TRIM56: variants seen among roughly 807,000 people sequenced by gnomAD.
TRIM56 encodes the protein E3 ubiquitin-protein ligase TRIM56.
TRIM56 carries 10 observed loss-of-function variants against 17.1 expected under a neutral mutation model. That is an observed-to-expected ratio of 0.58 (90% confidence interval 0.36 to 0.99). The LOEUF is 0.99. Ranked by LOEUF, TRIM56 falls within the 50% of genes least tolerant of loss-of-function variation. TRIM56 has a pLI of 0.01. For synonymous variants in TRIM56, 503 were observed against 473.5 expected (o/e 1.06, Z -0.81); for missense variants, 923 against 1,052.3 (o/e 0.88, Z 1.70).
intron 1 of TRIM56, among the ~76,000 whole-genome samples, chr7:101,086,028 C>G (rs529073177): frequency 6.6e-6 from 1 of 152,164 alleles, no homozygotes; most frequent in South Asian, 2.1e-4. Flanking sequence ...TCTGCCCGCT[C>G]CAGAATCCGC....
In TRIM56 at chr7:101,097,639, A is replaced by G. The variant is rs1240318934; in HGVS notation, c.*8059A>G. 2 of 121,322 alleles carry G rather than the reference A, an allele frequency of 1.6e-5. No homozygotes were observed. Among genetic ancestry groups the G allele is most frequent in the Non-Finnish European group, 1.7e-5 (1 of 57,660 alleles). The allele number at this position is 121,322 out of a possible 1,614,324, so 7.5% of individuals were successfully genotyped here. On this transcript the variant is annotated 3_prime_UTR_variant, in exon 3 of 3. Transcript: ENST00000306085. ...ACCAGATGGAAGAGGGCCTGTGTATAAAGACATTAGGAAGGAGGTTTGGGA... is the reference window on the plus strand; with the variant it reads ...ACCAGATGGAAGAGGGCCTGTGTATGAAGACATTAGGAAGGAGGTTTGGGA...
Position 101,089,622 on chromosome 7 carries a change from G to A in TRIM56, c.*42G>A, listed in dbSNP as rs1468315655. 1.4e-5 allele frequency: 22 copies of A among 1,556,724 alleles called. No homozygotes were observed. Among genetic ancestry groups the A allele is most frequent in the Non-Finnish European group, 1.4e-5 (16 of 1,142,834 alleles). On this transcript the variant is annotated 3_prime_UTR_variant, in exon 3 of 3. Coordinates refer to ENST00000306085, the MANE Select transcript of TRIM56 (RefSeq NM_030961.3). ...GTGAGAGGGAGTGGGGAGGGAGAGG[G>A]CAGGAAGGAGGCAGAGCTGTCCGTG...
At chr7:101,087,267 G>A (rs1273807679) in intron 2 of TRIM56, 45 bp from the exon 3 acceptor site, 4 of 1,543,680 alleles carry the variant, frequency 2.6e-6, no homozygotes, top group Admixed American at 1.7e-5. Flanking sequence ...GGGTGAGCTG[G>A]TGAAGGTGCC....
At position 101,096,952 on chromosome 7, in the gene TRIM56, T is replaced by C. The variant is rs1795661142; in HGVS notation, c.*7372T>C. On this transcript the variant is annotated 3_prime_UTR_variant, in exon 3 of 3. Transcript: ENST00000306085. ...TCAGACCGTATTAGTTAAGGACCCA[T>C]AAGAGTAGACATTTAGAAAAAGTGA... 1.3e-5 allele frequency: 2 copies of C among 152,154 alleles called. No individual in the cohort carries two copies. The highest frequency in any genetic ancestry group is 1.9e-4 in the East Asian group (1 of 5,198). 9.4% of individuals were successfully genotyped at this position (152,154 alleles called of 1,614,324 possible). A position where few individuals can be genotyped will look rare whatever the true frequency, so the allele number is the denominator to read the frequency against.
In TRIM56 at chr7:101,094,407, C is replaced by T. The variant is rs1037405686; in HGVS notation, c.*4827C>T. The T allele has an allele frequency of 2.0e-5, 3 of 152,050 alleles. No homozygotes were observed. Among genetic ancestry groups the T allele is most frequent in the Admixed American group, 6.6e-5 (1 of 15,264 alleles). 9.4% of individuals were successfully genotyped at this position (152,050 alleles called of 1,614,324 possible). A position where few individuals can be genotyped will look rare whatever the true frequency, so the allele number is the denominator to read the frequency against. ...TCATTATTTTGTGCTATTATTCATA[C>T]GTGTACATTTCTACTTCAGTTTTTA... On this transcript the variant is annotated 3_prime_UTR_variant, in exon 3 of 3. Transcript: ENST00000306085.
Position 101,088,816 on chromosome 7 carries a change from C to T in TRIM56, c.1504C>T (p.Pro502Ser), listed in dbSNP as rs1242664360. 1 of 1,613,706 alleles carries T rather than the reference C, an allele frequency of 6.2e-7. No homozygotes were observed. The highest frequency in any genetic ancestry group is 8.5e-7 in the Non-Finnish European group (1 of 1,180,042). ...IFYCSFPTRMPGDKRSPRITG... is the reference protein window; with the variant it reads ...IFYCSFPTRMSGDKRSPRITG... ...TTACTGCAGTTTCCCCACGCGGATG[C>T]CTGGAGACAAGCGGTCCCCCCGGAT... The change falls in exon 3 of 3, where the codon CCT becomes TCT. Residue 502 changes from proline (P) to serine (S), a missense_variant. This residue lies in a region of TRIM56 where 643 missense variants were observed against 665.6 expected (regional missense o/e 0.97). Coordinates refer to ENST00000306085, the MANE Select transcript of TRIM56 (RefSeq NM_030961.3).
In TRIM56 at chr7:101,088,965, C is replaced by T. The variant is rs1795512257; in HGVS notation, c.1653C>T (p.Ser551=). 1.2e-5 allele frequency: 20 copies of T among 1,612,726 alleles called. No individual in the cohort carries two copies. The highest frequency in any genetic ancestry group is 1.6e-4 in the Middle Eastern group (1 of 6,062). Residue 551 remains serine, a synonymous_variant, in exon 3 of 3, where the codon TCC becomes TCT. Transcript: ENST00000306085. ...KGTVPVPEGC[S]PCSVAALQSA... ...CCGTGCCGGTCCCTGAGGGCTGCTC[C>T]CCTTGCAGCGTGGCCGCCCTGCAGA...
At chr7:101,087,235 A>C in intron 2 of TRIM56, 67 bp downstream of exon 2, 1 of 1,373,876 alleles carries the variant, frequency 7.3e-7, no homozygotes, top group Non-Finnish European at 1.0e-6. Flanking sequence ...GTGGGGCTTG[A>C]GGACGGGCGG....
rs1030143900 is a variant in TRIM56 at position 101,095,639 on chromosome 7, C to A, written c.*6059C>A. On this transcript the variant is annotated 3_prime_UTR_variant, in exon 3 of 3. Transcript: ENST00000306085. ...GCAAGAAGATAGTCCCACAGGCGCC[C>A]TAGAGATGGGGATGCCAAGTGGCTT... The A allele has an allele frequency of 1.3e-5, 2 of 152,084 alleles. No individual in the cohort carries two copies. Among genetic ancestry groups the A allele is most frequent in the Non-Finnish European group, 2.9e-5 (2 of 68,020 alleles). The allele number at this position is 152,084 out of a possible 1,614,324, so 9.4% of individuals were successfully genotyped here. A position where few individuals can be genotyped will look rare whatever the true frequency, so the allele number is the denominator to read the frequency against.
Position 101,089,044 on chromosome 7 carries a change from G to C in TRIM56, c.1732G>C (p.Glu578Gln). 6.2e-7 allele frequency: 1 copy of C among 1,602,136 alleles called. No homozygotes were observed. Among genetic ancestry groups the C allele is most frequent in the East Asian group, 2.2e-5 (1 of 44,800 alleles). ...ARLYLINPNG[E>Q]VQWRRALSLS... ...GCTCTATCTCATCAACCCCAACGGCGAAGTGCAGTGGCGCAGGGCCCTGAG... is the reference window on the plus strand; with the variant it reads ...GCTCTATCTCATCAACCCCAACGGCCAAGTGCAGTGGCGCAGGGCCCTGAG... The change falls in exon 3 of 3, where the codon GAA (glutamate) becomes CAA (glutamine). Residue 578 changes from glutamate (E) to glutamine (Q), a missense_variant. By Grantham distance (29) the Glu-to-Gln change is conservative (BLOSUM62 2). This residue lies in a region of TRIM56 where 643 missense variants were observed against 665.6 expected (regional missense o/e 0.97). Transcript: ENST00000306085.
rs1467912495 is a variant in TRIM56 at position 101,087,898 on chromosome 7, C to T, written c.586C>T (p.Pro196Ser). 1 of 1,604,602 alleles carries T rather than the reference C, an allele frequency of 6.2e-7. No homozygotes were observed. The highest frequency in any genetic ancestry group is 8.5e-7 in the Non-Finnish European group (1 of 1,178,426). The change falls in exon 3 of 3, where the codon CCC becomes TCC. Residue 196 changes from proline to serine, a missense_variant. By Grantham distance (74) the Pro-to-Ser change is moderately conservative (BLOSUM62 -1). Around this residue, in one of 3 missense-constraint regions of TRIM56, gnomAD observed 643 missense variants for 665.6 expected, o/e 0.97. Transcript: ENST00000306085. ...GCTGTGCAGAGAGTGCCGCCTAGACCCCCACCTGGACCACCCCTGCCTGCC... is the reference window on the plus strand; with the variant it reads ...GCTGTGCAGAGAGTGCCGCCTAGACTCCCACCTGGACCACCCCTGCCTGCC... ...QLLCRECRLD[P>S]HLDHPCLPLA...
chr7:101,090,770 C>T lies in TRIM56; in HGVS notation c.*1190C>T, dbSNP rs1355432398. ...AGCAGGGGAGCCCTCCACGCAGCCACGGAGCCAGTCTGAGGGAAGAGGTAC... is the reference window on the plus strand; with the variant it reads ...AGCAGGGGAGCCCTCCACGCAGCCATGGAGCCAGTCTGAGGGAAGAGGTAC... On this transcript the variant is annotated 3_prime_UTR_variant, in exon 3 of 3. Transcript: ENST00000306085. The T allele has an allele frequency of 2.6e-5, 4 of 152,238 alleles. No homozygotes were observed. The highest frequency in any genetic ancestry group is 4.8e-5 in the African/African-American group (2 of 41,538). 9.4% of individuals were successfully genotyped at this position (152,238 alleles called of 1,614,324 possible). A position where few individuals can be genotyped will look rare whatever the true frequency, so the allele number is the denominator to read the frequency against.
chr7:101,088,451 G>T lies in TRIM56; in HGVS notation c.1139G>T (p.Gly380Val). The change falls in exon 3 of 3, where the codon GGG (glycine) becomes GTG (valine). Residue 380 changes from glycine to valine, a missense_variant. By Grantham distance (109) the Gly-to-Val change is moderately radical. This residue lies in a region of TRIM56 where 643 missense variants were observed against 665.6 expected (regional missense o/e 0.97). Transcript: ENST00000306085. ...FEEQQPQKDG[G>V]KDGAGTQGGE... ...GAGCAGCAGCCCCAGAAGGATGGTG[G>T]GAAAGACGGAGCTGGTACCCAGGGA... is the stretch of plus-strand genomic sequence containing the variant. 2 of 1,613,628 alleles carry T rather than the reference G, an allele frequency of 1.2e-6. No homozygotes were observed. Among genetic ancestry groups the T allele is most frequent in the Non-Finnish European group, 1.7e-6 (2 of 1,179,808 alleles).
Position 101,094,458 on chromosome 7 carries a change from T to C in TRIM56, c.*4878T>C, listed in dbSNP as rs28583401. ...TTATCCATTACATAACATACATGCT[T>C]GATTATTTGCTTCAAGGAAATACAC... On this transcript the variant is annotated 3_prime_UTR_variant, in exon 3 of 3. Transcript: ENST00000306085. 4.6e-5 allele frequency: 7 copies of C among 152,218 alleles called. No homozygotes were observed. The highest frequency in any genetic ancestry group is 1.4e-4 in the African/African-American group (6 of 41,444). 9.4% of individuals were successfully genotyped at this position (152,218 alleles called of 1,614,324 possible).
At position 101,087,660 on chromosome 7, in the gene TRIM56, C is replaced by T. The variant is rs1415379293; in HGVS notation, c.348C>T (p.Ala116=). Residue 116 remains alanine, a synonymous_variant, in exon 3 of 3, where the codon GCC becomes GCT. Transcript: ENST00000306085. ...LVGGTSTGGP[A]TARCLDCADD... ...GTGGCACCAGCACCGGGGGGCCGGC[C>T]ACGGCCCGGTGCCTGGACTGTGCCG... 6.2e-7 allele frequency: 1 copy of T among 1,604,414 alleles called. No individual in the cohort carries two copies. The highest frequency in any genetic ancestry group is 2.2e-5 in the East Asian group (1 of 44,784).
Position 101,088,066 on chromosome 7 carries a change from G to A in TRIM56, c.754G>A (p.Gly252Arg). The A allele has an allele frequency of 6.5e-7, 1 of 1,527,668 alleles. No individual in the cohort carries two copies. Among genetic ancestry groups the A allele is most frequent in the Non-Finnish European group, 8.8e-7 (1 of 1,139,660 alleles). The allele number at this position is 1,527,668 out of a possible 1,614,324, so 94.6% of individuals were successfully genotyped here. A position where few individuals can be genotyped will look rare whatever the true frequency, so the allele number is the denominator to read the frequency against. ...ARLREQAARV[G>R]TQVEEAAEGV... Reference sequence around the variant, plus strand: ...GCTGCGGGAGCAGGCGGCCCGGGTGGGGACTCAGGTGGAGGAGGCGGCTGA... The same window carrying A: ...GCTGCGGGAGCAGGCGGCCCGGGTGAGGACTCAGGTGGAGGAGGCGGCTGA... Residue 252 changes from glycine (G) to arginine (R), a missense_variant, in exon 3 of 3, where the codon GGG (glycine) becomes AGG (arginine). Physicochemically the swap from Gly to Arg is moderately radical, Grantham distance 125 (BLOSUM62 -2). Transcript: ENST00000306085.
rs1795630096 is a variant in TRIM56 at position 101,094,639 on chromosome 7, C to T, written c.*5059C>T. 1 of 152,074 alleles carries T rather than the reference C, an allele frequency of 6.6e-6. No individual in the cohort carries two copies. Among genetic ancestry groups the T allele is most frequent in the Non-Finnish European group, 1.5e-5 (1 of 68,018 alleles). 9.4% of individuals were successfully genotyped at this position (152,074 alleles called of 1,614,324 possible). ...AGGGCCATTGGGGCAGGGTGGCAGTCCAAGGAACCGCTCTGGGAAGGTTTG... is the reference window on the plus strand; with the variant it reads ...AGGGCCATTGGGGCAGGGTGGCAGTTCAAGGAACCGCTCTGGGAAGGTTTG... On this transcript the variant is annotated 3_prime_UTR_variant, in exon 3 of 3. Transcript: ENST00000306085.
chr7:101,087,555 G>A lies in TRIM56; in HGVS notation c.243G>A (p.Gly81=), dbSNP rs1562836501. The change falls in exon 3 of 3, where the codon GGG becomes GGA. Residue 81 remains glycine, a synonymous_variant. Coordinates refer to ENST00000306085, the MANE Select transcript of TRIM56 (RefSeq NM_030961.3). The part of the protein sequence containing the change: ...ASFKTNFFVN[G]LLDLVKARAC... ...TCAAGACCAACTTCTTCGTCAATGGGCTGCTGGACCTGGTGAAGGCCCGGG... is the reference window on the plus strand; with the variant it reads ...TCAAGACCAACTTCTTCGTCAATGGACTGCTGGACCTGGTGAAGGCCCGGG... 6.2e-7 allele frequency: 1 copy of A among 1,613,144 alleles called. No homozygotes were observed. Among genetic ancestry groups the A allele is most frequent in the South Asian group, 1.1e-5 (1 of 91,004 alleles).
chr7:101,090,851 C>T lies in TRIM56; in HGVS notation c.*1271C>T, dbSNP rs185717579. The T allele has an allele frequency of 6.6e-6, 1 of 152,274 alleles. No individual in the cohort carries two copies. Among genetic ancestry groups the T allele is most frequent in the East Asian group, 1.9e-4 (1 of 5,178 alleles). 9.4% of individuals were successfully genotyped at this position (152,274 alleles called of 1,614,324 possible). On this transcript the variant is annotated 3_prime_UTR_variant, in exon 3 of 3. Transcript: ENST00000306085. Reference sequence around the variant, plus strand: ...CTTCTGCTTCGGTGTCTTTCCATTTCCCAGGGTCTATGTGTTGCCTTCTCT... The same window carrying T: ...CTTCTGCTTCGGTGTCTTTCCATTTTCCAGGGTCTATGTGTTGCCTTCTCT...
Sources: gnomAD v4.1 joint callset for allele counts (sites outside exome capture counted in the v4.1 genomes callset) on GRCh38, gnomAD v4.1.1 for gene constraint, gnomAD v4.1.1 regional missense constraint, MANE v1.5 for transcripts, NCBI Gene and HGNC (gene_info 2026-07-23, HGNC 2026-07-21) for gene names.